Variants in PRKCA observed in about 807,000 individuals in gnomAD.
PRKCA encodes the protein protein kinase C alpha.
Under a neutral mutation model 87.0 loss-of-function variants are expected in PRKCA, and 27 were observed. The ratio of observed to expected loss-of-function variants is 0.31; its 90% CI spans 0.23 to 0.43. The LOEUF is 0.43. Among genes scored for constraint, PRKCA ranks in the 20% least tolerant of loss-of-function variants. The pLI, the probability that PRKCA is intolerant of heterozygous loss-of-function variation, is 1.00. For missense variants in PRKCA, 518 were observed against 852.3 expected (o/e 0.61, Z 4.88); for synonymous variants, 329 against 311.1 (o/e 1.06, Z -0.61).
intron 13 of PRKCA, among the ~76,000 whole-genome samples, chr17:66,773,356 T>G (rs1974981920): frequency 6.6e-6 from 1 of 152,176 alleles, no homozygotes; most frequent in Non-Finnish European, 1.5e-5. Flanking sequence ...TGTATATCAT[T>G]GCACTTCTCT....
intron 3 of PRKCA, among the ~76,000 whole-genome samples, chr17:66,612,561 TC>T (rs993402261): frequency 6.6e-6 from 1 of 152,110 alleles, no homozygotes; most frequent in Non-Finnish European, 1.5e-5. Context: ...GAATCCTGAA[TC>T]CTTTTAATGC....
At chr17:66,754,614 A>G (rs1359856721) in intron 13 of PRKCA, among the ~76,000 whole-genome samples, 1 of 152,178 alleles carries the variant, frequency 6.6e-6, no homozygotes, top group African/African-American at 2.4e-5. Flanking sequence ...GAGGTTCCTG[A>G]AAAACTCGGT....
intron 3 of PRKCA, among the ~76,000 whole-genome samples, chr17:66,537,119 G>A (rs1030775733): frequency 6.6e-6 from 1 of 152,164 alleles, no homozygotes; most frequent in African/African-American, 2.4e-5. Flanking sequence ...TAGTAATTTA[G>A]CATGCGTCCA....
At chr17:66,744,302 T>G (rs981524356) in intron 13 of PRKCA, among the ~76,000 whole-genome samples, 1 of 152,216 alleles carries the variant, frequency 6.6e-6, no homozygotes, top group Non-Finnish European at 1.5e-5. Context: ...ATAGTCAGGG[T>G]ACTGTCAGAA....
chr17:66,320,390 A>T (rs4791069), intron 2 of PRKCA, among the ~76,000 whole-genome samples: 54,390 of 150,654 alleles, frequency 0.36, 10,006 homozygotes, highest in Middle Eastern at 0.54. Flanking sequence ...TTTTTTTTTA[A>T]AAAAAGAAAG....
intron 2 of PRKCA, among the ~76,000 whole-genome samples, chr17:66,489,599 T>G (rs953312741): frequency 2.6e-5 from 4 of 151,800 alleles, no homozygotes; most frequent in Non-Finnish European, 5.9e-5. Flanking sequence ...TCTCCAATCC[T>G]TAAAGATTAT....
chr17:66,477,456 T>G (rs1164990619), intron 2 of PRKCA, among the ~76,000 whole-genome samples: 1 of 152,022 alleles, frequency 6.6e-6, no homozygotes, highest in African/African-American at 2.4e-5. Flanking sequence ...TCCCAGCACT[T>G]TGGGAGACTG....
At chr17:66,483,176 T>C (rs1037874334) in intron 2 of PRKCA, among the ~76,000 whole-genome samples, 2 of 152,214 alleles carry the variant, frequency 1.3e-5, no homozygotes, top group Non-Finnish European at 2.9e-5. Context: ...ATGTATTAGT[T>C]TGTTAGGGCT....
At chr17:66,652,315 C>G (rs145162469) in intron 5 of PRKCA, among the ~76,000 whole-genome samples, 47 of 152,244 alleles carry the variant, frequency 3.1e-4, no homozygotes, top group African/African-American at 1.0e-3. Context: ...CAATCTGTAA[C>G]ACTTGGTTGG....
chr17:66,691,188 T>C (rs917634498), intron 8 of PRKCA, among the ~76,000 whole-genome samples: 1 of 152,066 alleles, frequency 6.6e-6, no homozygotes, highest in African/African-American at 2.4e-5. Context: ...CAAATATGCA[T>C]CTATTGCTTT....
chr17:66,525,778 C>T (rs1967327032), intron 3 of PRKCA, among the ~76,000 whole-genome samples: 1 of 152,154 alleles, frequency 6.6e-6, no homozygotes, highest in African/African-American at 2.4e-5. Context: ...AAAATAAACT[C>T]CTGACTTCAT....
At chr17:66,717,899 G>A (rs542606289) in intron 8 of PRKCA, among the ~76,000 whole-genome samples, 2 of 152,298 alleles carry the variant, frequency 1.3e-5, no homozygotes, top group South Asian at 2.1e-4. Context: ...TGTGATTCCC[G>A]CCTCCGGGAG....
intron 2 of PRKCA, among the ~76,000 whole-genome samples, chr17:66,457,814 C>A (rs182179606): frequency 1.2e-3 from 180 of 152,232 alleles, no homozygotes; most frequent in Non-Finnish European, 2.2e-3. Context: ...GTCAATTAAA[C>A]CTCTTCTTTT....
At chr17:66,637,908 AC>A (rs1971187720) in intron 3 of PRKCA, among the ~76,000 whole-genome samples, 1 of 151,768 alleles carries the variant, frequency 6.6e-6, no homozygotes, top group Non-Finnish European at 1.5e-5. Flanking sequence ...TGCTCTGAAA[AC>A]CCTTGTCCTA....
At chr17:66,650,294 GGT>G (rs1971557812) in intron 5 of PRKCA, among the ~76,000 whole-genome samples, 1 of 152,080 alleles carries the variant, frequency 6.6e-6, no homozygotes, top group Non-Finnish European at 1.5e-5. Context: ...CCCGAGCTTT[GGT>G]GGTGTATTTT....
chr17:66,805,262 C>T lies in PRKCA; in HGVS notation c.*1225C>T. The T allele has an allele frequency of 2.0e-6, 1 of 504,032 alleles. No individual in the cohort carries two copies. The highest frequency in any genetic ancestry group is 2.6e-6 in the Non-Finnish European group (1 of 390,332). The allele number at this position is 504,032 out of a possible 1,614,324, so 31.2% of individuals were successfully genotyped here. On this transcript the variant is annotated 3_prime_UTR_variant, in exon 17 of 17. Transcript: ENST00000413366. ...AATAGAAGGATTTTAATACGTTTTG[C>T]AAATGCATCATGCAATGAATTTTGC...
intron 3 of PRKCA, among the ~76,000 whole-genome samples, chr17:66,575,843 A>G: frequency 6.6e-6 from 1 of 151,728 alleles, no homozygotes; most frequent in Non-Finnish European, 1.5e-5. Context: ...AGGACCGGGC[A>G]CGTGGCTCAT....
chr17:66,723,649 G>A (rs1403211592), intron 8 of PRKCA, among the ~76,000 whole-genome samples: 1 of 150,794 alleles, frequency 6.6e-6, no homozygotes, highest in African/African-American at 2.4e-5. Flanking sequence ...AAAAAAAAAG[G>A]AAGATGACGA....
chr17:66,393,939 G>T (rs1910517445), intron 2 of PRKCA, among the ~76,000 whole-genome samples: 1 of 152,074 alleles, frequency 6.6e-6, no homozygotes. Context: ...CCCGGGCATG[G>T]TGGCAGACGC....
Sources: gnomAD v4.1 joint callset for allele counts (sites outside exome capture counted in the v4.1 genomes callset) on GRCh38, gnomAD v4.1.1 for gene constraint, MANE v1.5 for transcripts, NCBI Gene and HGNC (gene_info 2026-07-23, HGNC 2026-07-21) for gene names.